UNK: variants seen among roughly 807,000 people sequenced by gnomAD.
UNK encodes the protein unk zinc finger, also known as RING finger protein unkempt homolog.
UNK carries 32 observed loss-of-function variants against 97.6 expected under a neutral mutation model. The observed-to-expected ratio is 0.33, with a 90% CI of 0.25 to 0.44. UNK has a LOEUF of 0.44. Among genes scored for constraint, UNK ranks in the 20% least tolerant of loss-of-function variants. The pLI is 1.00. For synonymous variants in UNK, 441 were observed against 461.2 expected (o/e 0.96, Z 0.56); for missense variants, 771 against 1,098.4 (o/e 0.70, Z 4.21).
At position 75,819,651 on chromosome 17, in the gene UNK, G is replaced by T. The variant is rs117525642; in HGVS notation, c.1547-33G>T. 6.2e-7 allele frequency: 1 copy of T among 1,604,782 alleles called. No individual in the cohort carries two copies. The highest frequency in any genetic ancestry group is 1.7e-5 in the Admixed American group (1 of 60,004). On this transcript the variant is annotated intron_variant, in intron 11 of 15. Transcript: ENST00000589666. This position sits in a 1 kb window ranked among gnomAD's most constrained non-coding sequence, Gnocchi z 5.4. ...GGTGGTCAGGGTCAGATAGTCCCTC[G>T]GGAGGTCACATCCCACTCTTCTCTG...
chr17:75,808,619 G>A (rs998538140), intron 1 of UNK, among the ~76,000 whole-genome samples: 2 of 152,044 alleles, frequency 1.3e-5, no homozygotes, highest in Admixed American at 1.3e-4. Flanking sequence ...CCTGGGTCGA[G>A]GATCCCTTTT....
At chr17:75,822,379 C>T in intron 13 of UNK, 98 bp from the exon 14 acceptor site, 1 of 1,406,280 alleles carries the variant, frequency 7.1e-7, no homozygotes, top group Non-Finnish European at 9.6e-7. Flanking sequence ...GCACACCCAT[C>T]CAGTGGACAG....
Position 75,819,066 on chromosome 17 carries a change from C to G in UNK, c.1546+250C>G, listed in dbSNP as rs2062042537. On this transcript the variant is annotated intron_variant, in intron 11 of 15. Transcript: ENST00000589666. The surrounding 1 kb of genome is among the most constrained non-coding windows in gnomAD (Gnocchi z 5.4). The stretch of plus-strand genomic sequence containing the variant: ...GCCTTTTCCCCTTGGTGAGTACAGT[C>G]TCACCCCAAGACGTGTTGTTCAGTC... 2.2e-6 allele frequency: 1 copy of G among 447,572 alleles called. No homozygotes were observed. The highest frequency in any genetic ancestry group is 3.9e-6 in the Non-Finnish European group (1 of 255,700). 27.7% of individuals were successfully genotyped at this position (447,572 alleles called of 1,614,324 possible). A position where few individuals can be genotyped will look rare whatever the true frequency, so the allele number is the denominator to read the frequency against.
intron 1 of UNK, among the ~76,000 whole-genome samples, chr17:75,795,221 A>G (rs1441642207): frequency 6.6e-6 from 1 of 152,164 alleles, no homozygotes; most frequent in Non-Finnish European, 1.5e-5. Context: ...ATGTACAAAG[A>G]ACATGTTAGT....
intron 1 of UNK, among the ~76,000 whole-genome samples, chr17:75,799,880 G>T (rs537105136): frequency 6.6e-6 from 1 of 152,148 alleles, no homozygotes; most frequent in South Asian, 2.1e-4. Context: ...AGCACTTAGG[G>T]AGCAGAGGCC....
Position 75,819,862 on chromosome 17 carries a change from GGCCC to G in UNK, c.1649-54_1649-51del. The G allele has an allele frequency of 6.2e-7, 1 of 1,604,188 alleles. No individual in the cohort carries two copies. Among genetic ancestry groups the G allele is most frequent in the Non-Finnish European group, 8.5e-7 (1 of 1,174,740 alleles). On this transcript the variant is annotated intron_variant, in intron 12 of 15. Coordinates refer to ENST00000589666, the MANE Select transcript of UNK (RefSeq NM_001080419.3). This position sits in a 1 kb window ranked among gnomAD's most constrained non-coding sequence, Gnocchi z 5.4. ...CTGGCTCAGGCCCCTTGCTCTGTGT[GGCCC>G]GCCTGGCTTCCGCTGCCCTCACCCA...
At chr17:75,800,971 T>C (rs1430293802) in intron 1 of UNK, among the ~76,000 whole-genome samples, 1 of 151,580 alleles carries the variant, frequency 6.6e-6, no homozygotes, top group Non-Finnish European at 1.5e-5. Context: ...TGGCGTGATC[T>C]GGGCTCACTG....
intron 13 of UNK, chr17:75,822,004 C>T: frequency 3.4e-6 from 1 of 293,492 alleles, no homozygotes; most frequent in Non-Finnish European, 6.7e-6. Context: ...GCTCCCTGAG[C>T]TCTTCCTGCC....
chr17:75,809,637 G>T (rs1599378205), intron 1 of UNK, 123 bp from the exon 2 acceptor site: 5 of 1,031,826 alleles, frequency 4.8e-6, no homozygotes, highest in Non-Finnish European at 7.1e-6. Flanking sequence ...CTCTCCTGGT[G>T]TTCCAGTGGA....
intron 1 of UNK, among the ~76,000 whole-genome samples, chr17:75,803,815 T>C (rs141781200): frequency 1.8e-4 from 27 of 152,310 alleles, no homozygotes; most frequent in Non-Finnish European, 3.8e-4. Flanking sequence ...AGGGCTGAGA[T>C]TGAAAATTTT....
intron 1 of UNK, among the ~76,000 whole-genome samples, chr17:75,807,316 G>GT (rs1443568306): frequency 1.2e-4 from 18 of 152,162 alleles, no homozygotes; most frequent in Admixed American, 8.5e-4. Flanking sequence ...GAGGCTGAGA[G>GT]TTTGAGGCTG....
rs373011041 is a variant in UNK at position 75,823,248 on chromosome 17, G to A, written c.2020-17G>A. On this transcript the variant is annotated splice_polypyrimidine_tract_variant and intron_variant, in intron 14 of 15. Coordinates refer to ENST00000589666, the MANE Select transcript of UNK (RefSeq NM_001080419.3). ...AGGGCAGGGCCATTGTGATGAGACTGTATGCTGGCCCCACAGGCTTGTGAT... is the reference window on the plus strand; with the variant it reads ...AGGGCAGGGCCATTGTGATGAGACTATATGCTGGCCCCACAGGCTTGTGAT... 6.9e-6 allele frequency: 11 copies of A among 1,584,512 alleles called. No homozygotes were observed. In the South Asian group the frequency reaches 1.2e-4, roughly 18 times the overall value.
At chr17:75,792,611 A>G (rs986821508) in intron 1 of UNK, 3 of 476,904 alleles carry the variant, frequency 6.3e-6, no homozygotes, top group Non-Finnish European at 8.2e-6. Context: ...AGATAACTCT[A>G]TAGATTCACC....
intron 1 of UNK, chr17:75,785,545 T>C (rs1298095201): frequency 6.5e-6 from 1 of 152,678 alleles, no homozygotes; most frequent in African/African-American, 2.4e-5. Flanking sequence ...TGCGTGCCCA[T>C]GACCGTTTCC....
In UNK at chr17:75,824,625, A is replaced by G. The variant is rs552880960; in HGVS notation, c.*208A>G. On this transcript the variant is annotated 3_prime_UTR_variant, in exon 16 of 16. Coordinates refer to ENST00000589666, the MANE Select transcript of UNK (RefSeq NM_001080419.3). This position sits in a 1 kb window ranked among gnomAD's most constrained non-coding sequence, Gnocchi z 4.9. ...GGTGGTGTGGACAGTGTCTGTGTGTATATCTGTACATAGATATAGACACAC... is the reference window on the plus strand; with the variant it reads ...GGTGGTGTGGACAGTGTCTGTGTGTGTATCTGTACATAGATATAGACACAC... The G allele has an allele frequency of 1.4e-4, 36 of 262,294 alleles. No homozygotes were observed. Among genetic ancestry groups the G allele is most frequent in the Non-Finnish European group, 2.0e-4 (30 of 150,010 alleles). 16.2% of individuals were successfully genotyped at this position (262,294 alleles called of 1,614,324 possible).
chr17:75,785,245 T>TC, intron 1 of UNK: 1 of 445,966 alleles, frequency 2.2e-6, no homozygotes, highest in Non-Finnish European at 4.0e-6. Flanking sequence ...GAGTGCACTC[T>TC]CCCTAGGCCA....
At chr17:75,810,241 T>G (rs754883714) in intron 2 of UNK, among the ~76,000 whole-genome samples, 3 of 152,250 alleles carry the variant, frequency 2.0e-5, no homozygotes, top group Admixed American at 6.5e-5. Flanking sequence ...CTGGCCTTTT[T>G]TCATCCTCCC....
In UNK at chr17:75,792,347, C is replaced by A. The variant is rs2061770200; in HGVS notation, c.104+7363C>A. 3 of 985,164 alleles carry A rather than the reference C, an allele frequency of 3.0e-6. No homozygotes were observed. In the South Asian group the frequency reaches 1.4e-4, roughly 46 times the overall value. The allele number at this position is 985,164 out of a possible 1,614,324, so 61.0% of individuals were successfully genotyped here. A position where few individuals can be genotyped will look rare whatever the true frequency, so the allele number is the denominator to read the frequency against. On this transcript the variant is annotated intron_variant, in intron 1 of 15. Coordinates refer to ENST00000589666, the MANE Select transcript of UNK (RefSeq NM_001080419.3). ...ATACTAAAGGAGGTTTTCCCACTAT[C>A]CGTATGCATCTTCTCTGTTTTGAGA...
At chr17:75,813,916 A>G (rs750644117) in intron 6 of UNK, 38 bp downstream of exon 6, 7 of 1,520,726 alleles carry the variant, frequency 4.6e-6, no homozygotes, top group Non-Finnish European at 6.2e-6. Flanking sequence ...GGCTTTGGGA[A>G]GTAAGGAGAG....
Sources: allele counts gnomAD v4.1 joint callset (sites outside exome capture counted in the v4.1 genomes callset), GRCh38; gene constraint gnomAD v4.1.1; non-coding constraint Gnocchi (gnomAD v3.1); transcripts MANE v1.5; gene names NCBI Gene and HGNC (gene_info 2026-07-23, HGNC 2026-07-21).